The following ANKRD30BL variants were observed in gnomAD, a reference collection of about 807,000 sequenced individuals.
ANKRD30BL encodes the protein ankyrin repeat domain 30B like, also known as putative ankyrin repeat domain-containing protein 30B-like.
In ANKRD30BL, 20 loss-of-function variants were observed where a neutral mutation model predicts 18.4. That is an observed-to-expected ratio of 1.09 (90% CI 0.77 to 1.58). ANKRD30BL has a LOEUF of 1.58. ANKRD30BL is among the 40% of genes most tolerant of loss of function. The pLI, the probability that ANKRD30BL is intolerant of heterozygous loss-of-function variation, is 0.00. For missense variants in ANKRD30BL, 224 were observed against 268.6 expected, an observed-to-expected ratio of 0.83 and a Z score of 1.16; for synonymous variants, 72 against 100.9, an observed-to-expected ratio of 0.71 and a Z score of 1.72.
At chr2:132,227,396 G>A (rs1280503187) in intron 1 of ANKRD30BL, among the ~76,000 whole-genome samples, 1 of 152,108 alleles carries the variant, frequency 6.6e-6, no homozygotes, top group African/African-American at 2.4e-5. Flanking sequence ...AAACTAGAGA[G>A]AAGCATTCTC....
intron 1 of ANKRD30BL, among the ~76,000 whole-genome samples, chr2:132,168,503 A>C (rs1185046251): frequency 2.0e-5 from 3 of 152,224 alleles, no homozygotes; most frequent in Non-Finnish European, 4.4e-5. Context: ...AGCCAGACAC[A>C]GAAAGACAAA....
chr2:132,196,841 T>C (rs1326207617), intron 1 of ANKRD30BL, among the ~76,000 whole-genome samples: 1 of 150,642 alleles, frequency 6.6e-6, no homozygotes, highest in Admixed American at 6.6e-5. Flanking sequence ...GCTCTAGAAA[T>C]GAAAATTATA....
intron 1 of ANKRD30BL, among the ~76,000 whole-genome samples, chr2:132,220,599 C>T (rs1488624132): frequency 1.2e-4 from 18 of 152,082 alleles, no homozygotes; most frequent in South Asian, 6.2e-4. Flanking sequence ...CTCCTAACCG[C>T]GAGTGATCCG....
chr2:132,173,301 C>CTTT (rs35866741), intron 1 of ANKRD30BL, among the ~76,000 whole-genome samples: 5 of 129,394 alleles, frequency 3.9e-5, no homozygotes, highest in African/African-American at 8.7e-5. Context: ...AATTTTGCTT[C>CTTT]TTTTTTTTTT....
upstream of ANKRD30BL, among the ~76,000 whole-genome samples, chr2:132,163,406 T>C (rs1688125578): frequency 6.6e-6 from 1 of 151,998 alleles, no homozygotes; most frequent in Non-Finnish European, 1.5e-5. Context: ...AAACTGATTG[T>C]GCCACAAACA....
At chr2:132,250,470 CAT>C (rs1254380874) in intron 1 of ANKRD30BL, among the ~76,000 whole-genome samples, 1 of 152,178 alleles carries the variant, frequency 6.6e-6, no homozygotes, top group Non-Finnish European at 1.5e-5. Context: ...GTGCAGCACA[CAT>C]GTGTTATCCA....
intron 1 of ANKRD30BL, among the ~76,000 whole-genome samples, chr2:132,186,801 C>G (rs950193911): frequency 3.3e-5 from 5 of 151,920 alleles, no homozygotes; most frequent in African/African-American, 2.4e-5. Flanking sequence ...CATTGTTTTG[C>G]CAAAGTTCGT....
chr2:132,211,473 C>T (rs961790338), intron 1 of ANKRD30BL, among the ~76,000 whole-genome samples: 2 of 152,022 alleles, frequency 1.3e-5, no homozygotes, highest in African/African-American at 4.8e-5. Flanking sequence ...TTGAACCTTA[C>T]CTTTGATTGA....
At chr2:132,188,516 C>T (rs1379306225) in intron 1 of ANKRD30BL, among the ~76,000 whole-genome samples, 1 of 152,138 alleles carries the variant, frequency 6.6e-6, no homozygotes, top group Non-Finnish European at 1.5e-5. Flanking sequence ...GGAGATCATC[C>T]TGGCTAACAG....
Position 132,157,421 on chromosome 2 carries a change from G to C in ANKRD30BL, c.221C>G (p.Thr74Ser). Residue 74 changes from threonine (T) to serine (S), a missense_variant and splice_region_variant, in exon 2 of 6, where the codon ACT (threonine) becomes AGT (serine). Around this residue, in one of 3 missense-constraint regions of ANKRD30BL, gnomAD observed 131 missense variants for 128.8 expected, o/e 1.02. Transcript: ENST00000409867. ...DLNIRDAKKR[T>S]ALYWACANGH... ...ATTGGCACAGGCCCAGTATAGAGCAGTCCTACAAGAATGAGAGGCCTTTTA... is the reference window on the plus strand; with the variant it reads ...ATTGGCACAGGCCCAGTATAGAGCACTCCTACAAGAATGAGAGGCCTTTTA... The C allele has an allele frequency of 1.5e-6, 1 of 671,838 alleles. No individual in the cohort carries two copies. The allele number at this position is 671,838 out of a possible 1,614,324, so 41.6% of individuals were successfully genotyped here. A position where few individuals can be genotyped will look rare whatever the true frequency, so the allele number is the denominator to read the frequency against.
intron 1 of ANKRD30BL, among the ~76,000 whole-genome samples, chr2:132,174,768 A>G (rs1688333213): frequency 1.3e-5 from 2 of 152,216 alleles, no homozygotes; most frequent in Admixed American, 6.5e-5. Flanking sequence ...GCCATTGTCA[A>G]TAAGTGAAGA....
At position 132,228,540 on chromosome 2, in the gene ANKRD30BL, G is replaced by A. The variant is rs1037402239; in HGVS notation, n.441+28989C>T. ...TGAGCTGTCTTGAAACTCTCTTATC[G>A]TAAAATCTGCAAGTGGACATTTGGA... On this transcript the variant is annotated intron_variant and non_coding_transcript_variant, in intron 1 of 4. Coordinates refer to the ANKRD30BL transcript ENST00000470729. Among the ~76,000 whole-genome samples the A allele has an allele frequency of 1.2e-4, 18 of 151,142 alleles. No homozygotes were observed. The South Asian group carries it at 1.5e-3, about 12-fold the overall frequency.
At chr2:132,182,836 T>G (rs1377974394) in intron 1 of ANKRD30BL, among the ~76,000 whole-genome samples, 2 of 152,188 alleles carry the variant, frequency 1.3e-5, no homozygotes, top group Non-Finnish European at 2.9e-5. Flanking sequence ...GGTACCACAT[T>G]TATTCATTGA....
rs201727167 is a variant in ANKRD30BL at position 132,238,732 on chromosome 2, A to G, written n.441+18797T>C. On this transcript the variant is annotated intron_variant and non_coding_transcript_variant, in intron 1 of 4. Transcript: ENST00000470729. Reference sequence around the variant, plus strand: ...CAGTTTTGAAACACTCATTTTTTAAAAATCTGCAAGTGGATATGTGGATAG... The same window carrying G: ...CAGTTTTGAAACACTCATTTTTTAAGAATCTGCAAGTGGATATGTGGATAG... Among the ~76,000 whole-genome samples, 298 of 151,586 alleles carry G rather than the reference A, an allele frequency of 2.0e-3. 1 individual carries two copies. Among genetic ancestry groups the G allele is most frequent in the African/African-American group, 6.9e-3 (285 of 41,414 alleles).
intron 4 of ANKRD30BL, chr2:132,152,230 T>G (rs1178028248): frequency 6.6e-6 from 1 of 152,186 alleles, no homozygotes; most frequent in Non-Finnish European, 1.5e-5. Context: ...AAAATGTCCT[T>G]TTGGGGACTC....
chr2:132,252,823 G>A (rs1680694062), intron 1 of ANKRD30BL, among the ~76,000 whole-genome samples: 1 of 152,152 alleles, frequency 6.6e-6, no homozygotes, highest in African/African-American at 2.4e-5. Flanking sequence ...AGCTGCATGA[G>A]GCATGAGGGA....
chr2:132,248,850 C>T (rs1680573398), intron 1 of ANKRD30BL, among the ~76,000 whole-genome samples: 1 of 152,034 alleles, frequency 6.6e-6, no homozygotes, highest in South Asian at 2.1e-4. Context: ...TACAAAAATA[C>T]TGTTTCCAAA....
At chr2:132,162,038 G>A (rs1688087107), upstream of ANKRD30BL, 2 of 235,910 alleles carry the variant, frequency 8.5e-6, no homozygotes, top group South Asian at 1.3e-4. Flanking sequence ...AGCACGGCGT[G>A]CAGGTGGCAC....
chr2:132,165,350 G>A (rs1048714178), upstream of ANKRD30BL, among the ~76,000 whole-genome samples: 23 of 150,282 alleles, frequency 1.5e-4, no homozygotes, highest in African/African-American at 5.4e-4. Flanking sequence ...ATATTCATGT[G>A]TCAGTTTTGG....
Sources: gnomAD v4.1 joint callset for allele counts (sites outside exome capture counted in the v4.1 genomes callset) on GRCh38, gnomAD v4.1.1 for gene constraint, gnomAD v4.1.1 regional missense constraint, MANE v1.5 for transcripts, NCBI Gene and HGNC (gene_info 2026-07-23, HGNC 2026-07-21) for gene names.